Variants in CCDC34 observed in about 807,000 individuals in gnomAD.
CCDC34 encodes coiled-coil domain containing 34, also known as coiled-coil domain-containing protein 34.
In CCDC34, 40 loss-of-function variants were observed where a neutral mutation model predicts 44.1. That is an observed-to-expected ratio of 0.91 (90% confidence interval 0.70 to 1.18). CCDC34 has a LOEUF of 1.18. Among genes scored for constraint, CCDC34 ranks in the 50% most tolerant of loss-of-function variants. The pLI is 0.00. For missense variants in CCDC34, 466 were observed against 452.3 expected (o/e 1.03, Z -0.28); for synonymous variants, 159 against 158.2 (o/e 1.01, Z -0.04).
chr11:27,361,858 G>C (rs1862669281), intron 1 of CCDC34, among the ~76,000 whole-genome samples: 1 of 152,068 alleles, frequency 6.6e-6, no homozygotes, highest in Non-Finnish European at 1.5e-5. Flanking sequence ...TCATAAACTT[G>C]TAAATGATTT....
rs34146389 is a variant in CCDC34 at position 27,356,008 on chromosome 11, A to ATTTT, written c.498+1391_498+1394dup. Among the ~76,000 whole-genome samples, 65 of 69,510 alleles carry ATTTT rather than the reference A, an allele frequency of 9.4e-4. 5 individuals carry two copies. Among genetic ancestry groups the ATTTT allele is most frequent in the East Asian group, 2.1e-3 (4 of 1,884 alleles). 45.6% of individuals were successfully genotyped at this position (69,510 alleles called of 152,430 possible). On this transcript the variant is annotated intron_variant, in intron 2 of 5. Transcript: ENST00000328697. ...AGATCATGAAGCTTTTGTTCCCAGGATTTTTTTTTTTTTTTTTTTTTTTTT... is the reference window on the plus strand; with the variant it reads ...AGATCATGAAGCTTTTGTTCCCAGGATTTTTTTTTTTTTTTTTTTTTTTTTTTTT...
At chr11:27,344,889 T>C (rs1862411508) in intron 3 of CCDC34, among the ~76,000 whole-genome samples, 1 of 152,052 alleles carries the variant, frequency 6.6e-6, no homozygotes, top group African/African-American at 2.4e-5. Flanking sequence ...TAAAACAAGT[T>C]TGAAAAAGAA....
At chr11:27,349,712 T>C (rs1400681624) in intron 3 of CCDC34, 4 of 978,128 alleles carry the variant, frequency 4.1e-6, no homozygotes, top group East Asian at 2.3e-4. Flanking sequence ...TCAATGAACA[T>C]CTTCACTCAA....
chr11:27,358,787 A>G (rs1436269252), intron 1 of CCDC34, among the ~76,000 whole-genome samples: 4 of 152,060 alleles, frequency 2.6e-5, no homozygotes, highest in African/African-American at 9.7e-5. Context: ...TTAAATATCA[A>G]TCAGTTGAAA....
In CCDC34 at chr11:27,357,554, G is replaced by C. The variant is rs1862597628; in HGVS notation, c.360-13C>G. ...TTCAACCTGAGTGCTACAAAAGAGA[G>C]GCTACTATAGTACTTGTACAAGAAC... On this transcript the variant is annotated splice_polypyrimidine_tract_variant and intron_variant, in intron 1 of 5. Coordinates refer to ENST00000328697, the MANE Select transcript of CCDC34 (RefSeq NM_030771.2). The C allele has an allele frequency of 6.2e-7, 1 of 1,611,880 alleles. No homozygotes were observed. The highest frequency in any genetic ancestry group is 1.1e-5 in the South Asian group (1 of 90,690).
Position 27,338,755 on chromosome 11 carries a change from TA to T in CCDC34, c.*65del, listed in dbSNP as rs1862313877. Reference sequence around the variant, plus strand: ...AAGTGTTGAGTTATTGACTGAGCAGTAAAAAACAATTTCTGATTTTTAAATT... The same window carrying T: ...AAGTGTTGAGTTATTGACTGAGCAGTAAAAACAATTTCTGATTTTTAAATT... On this transcript the variant is annotated 3_prime_UTR_variant, in exon 6 of 6. Coordinates refer to ENST00000328697, the MANE Select transcript of CCDC34 (RefSeq NM_030771.2). 2 of 1,381,776 alleles carry T rather than the reference TA, an allele frequency of 1.4e-6. No homozygotes were observed. Among genetic ancestry groups the T allele is most frequent in the Non-Finnish European group, 1.0e-6 (1 of 984,254 alleles). The allele number at this position is 1,381,776 out of a possible 1,614,324, so 85.6% of individuals were successfully genotyped here.
intron 5 of CCDC34, 33 bp downstream of exon 5, chr11:27,340,663 T>C (rs1213121838): frequency 1.9e-6 from 3 of 1,573,746 alleles, no homozygotes; most frequent in East Asian, 2.3e-5. Flanking sequence ...CTGCAAACCA[T>C]ATTTATGTAA....
At chr11:27,346,472 AAAG>A (rs889210998) in intron 3 of CCDC34, among the ~76,000 whole-genome samples, 1 of 112,266 alleles carries the variant, frequency 8.9e-6, no homozygotes, top group Non-Finnish European at 1.8e-5. Context: ...AAGACAGAGG[AAAG>A]AAGGAAGGAA....
chr11:27,350,072 T>A, intron 3 of CCDC34: 1 of 1,304,144 alleles, frequency 7.7e-7, no homozygotes, highest in Non-Finnish European at 9.8e-7. Context: ...ATCCAAAAGG[T>A]CAGGCCTAGA....
At chr11:27,356,497 T>C (rs1862578436) in intron 2 of CCDC34, among the ~76,000 whole-genome samples, 1 of 152,068 alleles carries the variant, frequency 6.6e-6, no homozygotes. Context: ...TTTTATCCTG[T>C]TTCATTAAAA....
At chr11:27,358,309 G>C (rs1336882889) in intron 1 of CCDC34, among the ~76,000 whole-genome samples, 1 of 152,140 alleles carries the variant, frequency 6.6e-6, no homozygotes, top group Admixed American at 6.5e-5. Context: ...ACAGGGTCTT[G>C]GCCAGATACA....
chr11:27,362,936 C>T lies in CCDC34; in HGVS notation c.259G>A (p.Glu87Lys), dbSNP rs1862691317. The T allele has an allele frequency of 6.2e-7, 1 of 1,614,152 alleles. No homozygotes were observed. Among genetic ancestry groups the T allele is most frequent in the Non-Finnish European group, 8.5e-7 (1 of 1,180,018 alleles). ...FDEDDGDGED[E>K]EDVDDEEDVD... ...TCTTCCTCATCATCCACGTCTTCCT[C>T]ATCCTCCCCGTCACCGTCGTCCTCG... The change falls in exon 1 of 6, where the codon GAG becomes AAG. Residue 87 changes from glutamate (E) to lysine (K), a missense_variant. Transcript: ENST00000328697.
intron 4 of CCDC34, 86 bp from the exon 5 acceptor site, chr11:27,340,923 T>C: frequency 1.6e-6 from 2 of 1,288,052 alleles, no homozygotes; most frequent in Non-Finnish European, 2.2e-6. Context: ...TTTTCTCCAG[T>C]AGCTTCCTAC....
chr11:27,348,526 C>T (rs2133343032), intron 3 of CCDC34, among the ~76,000 whole-genome samples: 1 of 152,248 alleles, frequency 6.6e-6, no homozygotes, highest in Admixed American at 6.5e-5. Flanking sequence ...AATTTACAGT[C>T]ATATTATAAG....
At chr11:27,359,288 T>C (rs180993555) in intron 1 of CCDC34, among the ~76,000 whole-genome samples, 1 of 152,050 alleles carries the variant, frequency 6.6e-6, no homozygotes, top group Non-Finnish European at 1.5e-5. Context: ...CAACGGCTGA[T>C]CCAGACTCTA....
At chr11:27,347,251 T>C (rs571250397) in intron 3 of CCDC34, among the ~76,000 whole-genome samples, 1 of 152,284 alleles carries the variant, frequency 6.6e-6, no homozygotes, top group African/African-American at 2.4e-5. Flanking sequence ...ACTTTCTTAT[T>C]ATAATAGTAG....
At chr11:27,348,849 C>G in intron 3 of CCDC34, 1 of 929,598 alleles carries the variant, frequency 1.1e-6, no homozygotes, top group Non-Finnish European at 1.3e-6. Context: ...TTAACATGAA[C>G]AAGAGTTCTG....
rs1862343315 is a variant in CCDC34, at chr11:27,340,730, T to C, written c.873A>G (p.Ala291=). Residue 291 remains alanine (A), a synonymous_variant, in exon 5 of 6, where the codon GCA becomes GCG. Coordinates refer to ENST00000328697, the MANE Select transcript of CCDC34 (RefSeq NM_030771.2). The part of the protein sequence containing the change: ...ENAKHKPRPA[A]KSYGYANGKL... ...TTCCATTGGCATAACCATAGCTCTT[T>C]GCAGCTGGACGAGGTTTATGTTTCG... is the stretch of plus-strand genomic sequence containing the variant. 6.2e-7 allele frequency: 1 copy of C among 1,613,596 alleles called. No homozygotes were observed. Among genetic ancestry groups the C allele is most frequent in the South Asian group, 1.1e-5 (1 of 90,916 alleles).
chr11:27,362,623 C>T (rs543978875), intron 1 of CCDC34, among the ~76,000 whole-genome samples: 4 of 152,082 alleles, frequency 2.6e-5, no homozygotes, highest in Admixed American at 2.0e-4. Flanking sequence ...CATAATATCT[C>T]AGGAAAAAAG....
Sources: allele counts gnomAD v4.1 joint callset (sites outside exome capture counted in the v4.1 genomes callset), GRCh38; gene constraint gnomAD v4.1.1; transcripts MANE v1.5; gene names NCBI Gene and HGNC (gene_info 2026-07-23, HGNC 2026-07-21).